The following PLEKHM3 variants were observed in gnomAD, a reference collection of about 807,000 sequenced individuals.
PLEKHM3 encodes the protein pleckstrin homology domain containing M3.
A neutral mutation model predicts 81.8 loss-of-function variants in PLEKHM3; 45 were observed. The ratio of observed to expected loss-of-function variants is 0.55; its 90% CI spans 0.43 to 0.71. PLEKHM3 has a LOEUF of 0.71. PLEKHM3 is among the 30% of genes least tolerant of loss of function. The pLI, the probability that PLEKHM3 is intolerant of heterozygous loss-of-function variation, is 0.00. For missense variants in PLEKHM3, 788 were observed against 924.3 expected (o/e 0.85, Z 1.91); for synonymous variants, 352 against 356.4 (o/e 0.99, Z 0.14).
At chr2:207,978,488 G>A (rs1691402174) in intron 2 of PLEKHM3, among the ~76,000 whole-genome samples, 1 of 152,084 alleles carries the variant, frequency 6.6e-6, no homozygotes. Context: ...AGCGAGGAAG[G>A]GTCAATGAAT....
intron 6 of PLEKHM3, among the ~76,000 whole-genome samples, chr2:207,882,494 C>T (rs967085753): frequency 4.0e-5 from 6 of 151,588 alleles, no homozygotes; most frequent in South Asian, 2.1e-4. Context: ...TGCCTGTAAT[C>T]GCAGTTACCC....
At chr2:207,999,855 T>C (rs1001218387) in intron 2 of PLEKHM3, among the ~76,000 whole-genome samples, 2 of 152,226 alleles carry the variant, frequency 1.3e-5, no homozygotes, top group Non-Finnish European at 2.9e-5. Flanking sequence ...ATAATTAGAA[T>C]GTTGAATGCA....
intron 3 of PLEKHM3, among the ~76,000 whole-genome samples, chr2:207,948,352 T>G (rs1690209060): frequency 7.4e-6 from 1 of 134,752 alleles, no homozygotes. Flanking sequence ...CTCAGATCTT[T>G]TTTTTTTTTT....
chr2:207,972,037 C>G (rs1430081973), intron 3 of PLEKHM3, among the ~76,000 whole-genome samples: 1 of 152,226 alleles, frequency 6.6e-6, no homozygotes, highest in Non-Finnish European at 1.5e-5. Flanking sequence ...GTCACAGCTG[C>G]CTTTTGACAT....
intron 6 of PLEKHM3, among the ~76,000 whole-genome samples, chr2:207,903,095 C>T (rs1353612205): frequency 3.3e-5 from 5 of 152,144 alleles, no homozygotes; most frequent in Non-Finnish European, 7.4e-5. Flanking sequence ...CCAGACTTTC[C>T]TGTCCTTTTT....
chr2:207,951,227 TA>T (rs1690318011), intron 3 of PLEKHM3, among the ~76,000 whole-genome samples: 2 of 152,200 alleles, frequency 1.3e-5, no homozygotes, highest in Admixed American at 6.5e-5. Flanking sequence ...ACCATTTTTT[TA>T]GAGAGTGTCA....
chr2:207,855,200 G>A (rs149084184), intron 7 of PLEKHM3, among the ~76,000 whole-genome samples: 3 of 151,910 alleles, frequency 2.0e-5, no homozygotes, highest in Admixed American at 6.6e-5. Flanking sequence ...GGAAAGTAAG[G>A]AAATGCTGAA....
At chr2:207,881,253 A>G (rs952854189) in intron 6 of PLEKHM3, among the ~76,000 whole-genome samples, 1 of 152,236 alleles carries the variant, frequency 6.6e-6, no homozygotes, top group Non-Finnish European at 1.5e-5. Context: ...GTAAGTTTTT[A>G]AAAAGGCAGG....
chr2:208,000,207 G>A (rs1692250348), intron 2 of PLEKHM3, among the ~76,000 whole-genome samples: 1 of 152,198 alleles, frequency 6.6e-6, no homozygotes, highest in African/African-American at 2.4e-5. Context: ...CCATTTCCTT[G>A]TTACTGCTGG....
intron 6 of PLEKHM3, among the ~76,000 whole-genome samples, chr2:207,865,773 C>G (rs1163668982): frequency 2.0e-5 from 1 of 49,904 alleles, no homozygotes; most frequent in Non-Finnish European, 3.7e-5. Context: ...AGAACAAAAA[C>G]TCCGACTCAA....
intron 7 of PLEKHM3, among the ~76,000 whole-genome samples, chr2:207,852,302 C>T (rs2092417216): frequency 3.9e-5 from 6 of 152,102 alleles, no homozygotes; most frequent in Admixed American, 3.9e-4. Context: ...TAGGTTTCTT[C>T]ATTATTAAAA....
At chr2:207,908,446 G>T in intron 6 of PLEKHM3, 68 bp downstream of exon 6, 1 of 1,458,328 alleles carries the variant, frequency 6.9e-7, no homozygotes, top group Non-Finnish European at 9.5e-7. Context: ...ACGGTGCAAA[G>T]ACCAAAGTCA....
chr2:207,885,924 G>A (rs1214840800), intron 6 of PLEKHM3, among the ~76,000 whole-genome samples: 3 of 152,094 alleles, frequency 2.0e-5, no homozygotes, highest in Non-Finnish European at 4.4e-5. Context: ...TCCATACACC[G>A]TTCCTGAAAC....
chr2:207,932,927 A>C (rs1167178325), intron 4 of PLEKHM3, among the ~76,000 whole-genome samples: 1 of 152,208 alleles, frequency 6.6e-6, no homozygotes, highest in Non-Finnish European at 1.5e-5. Context: ...CATAAACATA[A>C]AATTCAATAT....
intron 2 of PLEKHM3, among the ~76,000 whole-genome samples, chr2:207,983,512 C>T (rs1215065534): frequency 6.6e-6 from 1 of 151,058 alleles, no homozygotes; most frequent in East Asian, 1.9e-4. Flanking sequence ...CCAAAGAAAA[C>T]AGAGAAAGGT....
At chr2:207,943,596 C>T (rs542913445) in intron 4 of PLEKHM3, among the ~76,000 whole-genome samples, 57 of 152,088 alleles carry the variant, frequency 3.7e-4, no homozygotes, top group Non-Finnish European at 6.9e-4. Context: ...AGGCCGGGCG[C>T]GGTGGCTCAC....
At chr2:207,966,071 G>C (rs1310630090) in intron 3 of PLEKHM3, among the ~76,000 whole-genome samples, 1 of 152,216 alleles carries the variant, frequency 6.6e-6, no homozygotes, top group Non-Finnish European at 1.5e-5. Context: ...GAGTTCAACT[G>C]TGTGTTATAA....
At position 207,853,602 on chromosome 2, in the gene PLEKHM3, C is replaced by T. The variant is rs182276793; in HGVS notation, c.2108+7503G>A. Among the ~76,000 whole-genome samples the T allele has an allele frequency of 7.0e-3, 1,061 of 150,834 alleles. 19 individuals are homozygous for T. The highest frequency in any genetic ancestry group is 0.024 in the African/African-American group (991 of 41,086). The stretch of plus-strand genomic sequence containing the variant: ...TACAAAAATTAGCCAGGTGTGGTGG[C>T]GGGTGCCTGTAATCCCAGCTACTCA... On this transcript the variant is annotated intron_variant, in intron 7 of 7. Transcript: ENST00000427836.
intron 7 of PLEKHM3, among the ~76,000 whole-genome samples, chr2:207,837,472 T>C: frequency 6.6e-6 from 1 of 151,960 alleles, no homozygotes; most frequent in East Asian, 2.0e-4. Flanking sequence ...TGGTGGCTAA[T>C]GCCTGTAGTC....
Sources: gnomAD v4.1 joint callset for allele counts (sites outside exome capture counted in the v4.1 genomes callset) on GRCh38, gnomAD v4.1.1 for gene constraint, MANE v1.5 for transcripts, NCBI Gene and HGNC (gene_info 2026-07-23, HGNC 2026-07-21) for gene names.